The following KDM4C variants were observed in gnomAD, a reference collection of about 807,000 sequenced individuals.
The protein encoded by KDM4C is lysine demethylase 4C, also known as lysine-specific demethylase 4C.
In KDM4C, 81 loss-of-function variants were observed where a neutral mutation model predicts 129.3. That is an observed-to-expected ratio of 0.63 (90% CI 0.52 to 0.75). The LOEUF (loss-of-function observed/expected upper bound fraction) is 0.75. Ranked by LOEUF, KDM4C falls within the 30% of genes least tolerant of loss-of-function variation. The pLI is 0.00. For missense variants in KDM4C, 1,457 were observed against 1,304.0 expected (o/e 1.12, Z -1.81); for synonymous variants, 573 against 456.1 (o/e 1.26, Z -3.26).
chr9:6,984,470 T>G, intron 10 of KDM4C, 66 bp downstream of exon 10: 2 of 1,036,074 alleles, frequency 1.9e-6, no homozygotes, highest in Non-Finnish European at 3.0e-6. Context: ...ATGTCTTAAA[T>G]GGATGTTCAC....
At chr9:6,937,451 T>C (rs1208854348) in intron 8 of KDM4C, among the ~76,000 whole-genome samples, 1 of 152,184 alleles carries the variant, frequency 6.6e-6, no homozygotes, top group East Asian at 1.9e-4. Flanking sequence ...GTTTTGGGCA[T>C]AATGCCAAGT....
intron 19 of KDM4C, among the ~76,000 whole-genome samples, chr9:7,160,052 C>T (rs1414914925): frequency 6.6e-5 from 10 of 152,102 alleles, no homozygotes; most frequent in Admixed American, 6.5e-4. Context: ...TTTCTCTGAC[C>T]TTGTCTTCTC....
chr9:6,742,110 C>T (rs537764658), intron 1 of KDM4C, among the ~76,000 whole-genome samples: 3 of 150,612 alleles, frequency 2.0e-5, no homozygotes, highest in Non-Finnish European at 4.4e-5. Flanking sequence ...GTAGCTGGGA[C>T]TAGAGGTGTG....
intron 17 of KDM4C, among the ~76,000 whole-genome samples, chr9:7,058,794 C>T (rs1831225382): frequency 6.6e-6 from 1 of 152,078 alleles, no homozygotes; most frequent in Non-Finnish European, 1.5e-5. Context: ...TACATCATGG[C>T]CTTGAGGTAA....
intron 4 of KDM4C, among the ~76,000 whole-genome samples, chr9:6,845,688 A>G (rs1588659549): frequency 1.3e-5 from 2 of 152,342 alleles, no homozygotes; most frequent in East Asian, 1.9e-4. Context: ...GGGGCAGGAC[A>G]GGCTCCAACT....
chr9:6,730,756 G>A (rs1817305617), intron 1 of KDM4C, among the ~76,000 whole-genome samples: 1 of 152,152 alleles, frequency 6.6e-6, no homozygotes, highest in Non-Finnish European at 1.5e-5. Flanking sequence ...AGACAAAAAA[G>A]AGAAGTGACT....
At chr9:6,840,365 A>G (rs1836693737) in intron 4 of KDM4C, among the ~76,000 whole-genome samples, 1 of 150,336 alleles carries the variant, frequency 6.7e-6, no homozygotes, top group South Asian at 2.1e-4. Flanking sequence ...GAGCCACTGA[A>G]CCTGGCCTTT....
chr9:6,886,928 C>T (rs1419178323), intron 6 of KDM4C, among the ~76,000 whole-genome samples: 2 of 152,122 alleles, frequency 1.3e-5, no homozygotes, highest in Admixed American at 6.5e-5. Flanking sequence ...AAATTGGTCA[C>T]GTTCTTGAGT....
At chr9:7,122,286 T>C (rs374283927) in intron 18 of KDM4C, among the ~76,000 whole-genome samples, 9 of 87,794 alleles carry the variant, frequency 1.0e-4, no homozygotes, top group African/African-American at 2.4e-4. Flanking sequence ...CTCTCTCTCT[T>C]AAACAGCCAG....
At chr9:6,852,220 A>G (rs1838978374) in intron 5 of KDM4C, among the ~76,000 whole-genome samples, 1 of 152,200 alleles carries the variant, frequency 6.6e-6, no homozygotes, top group Admixed American at 6.5e-5. Context: ...AATCCTTATA[A>G]TATATTTGAG....
intron 17 of KDM4C, among the ~76,000 whole-genome samples, chr9:7,063,649 G>A (rs1035921148): frequency 6.6e-6 from 1 of 152,214 alleles, no homozygotes; most frequent in Non-Finnish European, 1.5e-5. Context: ...GCACAGCAGT[G>A]TGAAAAGTTT....
intron 12 of KDM4C, among the ~76,000 whole-genome samples, chr9:7,004,380 A>G (rs1243883880): frequency 1.3e-5 from 2 of 152,230 alleles, no homozygotes; most frequent in East Asian, 3.8e-4. Flanking sequence ...TTTTATAACT[A>G]TGAAAACTTA....
At chr9:6,870,467 T>TGG (rs1472809914) in intron 5 of KDM4C, among the ~76,000 whole-genome samples, 3 of 152,054 alleles carry the variant, frequency 2.0e-5, no homozygotes, top group Non-Finnish European at 4.4e-5. Flanking sequence ...AAGGAAGCTT[T>TGG]GGCTTCCTCA....
At chr9:7,136,841 A>G (rs539132658) in intron 19 of KDM4C, among the ~76,000 whole-genome samples, 1 of 152,276 alleles carries the variant, frequency 6.6e-6, no homozygotes, top group Admixed American at 6.5e-5. Flanking sequence ...CAATTTGTCA[A>G]CTTTTTCTTA....
At chr9:6,897,074 T>C (rs1473837499) in intron 8 of KDM4C, among the ~76,000 whole-genome samples, 1 of 152,244 alleles carries the variant, frequency 6.6e-6, no homozygotes, top group East Asian at 1.9e-4. Flanking sequence ...TGTTTGATAT[T>C]CTCAGCTGAA....
chr9:6,967,421 TA>T (rs35054106), intron 8 of KDM4C, among the ~76,000 whole-genome samples: 46,600 of 124,988 alleles, frequency 0.37, 7,858 homozygotes, highest in South Asian at 0.47. Context: ...AAGCTTCCAC[TA>T]AAAAAAAAAA....
chr9:6,860,302 A>AG (rs1840690409), intron 5 of KDM4C, among the ~76,000 whole-genome samples: 1 of 152,182 alleles, frequency 6.6e-6, no homozygotes, highest in Non-Finnish European at 1.5e-5. Flanking sequence ...ACATTCTTGA[A>AG]GTCAGAAAGA....
intron 18 of KDM4C, among the ~76,000 whole-genome samples, chr9:7,110,671 G>A (rs1838223948): frequency 6.6e-6 from 1 of 152,166 alleles, no homozygotes; most frequent in Non-Finnish European, 1.5e-5. Context: ...TTCTTTAAGA[G>A]CAAAGTTTAC....
chr9:7,141,408 TG>T (rs1841730354), intron 19 of KDM4C, among the ~76,000 whole-genome samples: 2 of 152,174 alleles, frequency 1.3e-5, no homozygotes, highest in East Asian at 1.9e-4. Flanking sequence ...CAAGCTTGCC[TG>T]AATACTGGGA....
Sources: gnomAD v4.1 joint callset for allele counts (sites outside exome capture counted in the v4.1 genomes callset) on GRCh38, gnomAD v4.1.1 for gene constraint, MANE v1.5 for transcripts, NCBI Gene and HGNC (gene_info 2026-07-23, HGNC 2026-07-21) for gene names.